S100PBP: variants seen among roughly 807,000 people sequenced by gnomAD.
S100PBP encodes S100P binding protein.
S100PBP carries 15 observed loss-of-function variants against 39.9 expected under a neutral mutation model. The observed-to-expected ratio is 0.38, with a 90% CI of 0.25 to 0.58. S100PBP has a LOEUF of 0.58. Ranked by LOEUF, S100PBP falls within the 20% of genes least tolerant of loss-of-function variation. The pLI, the probability that S100PBP is intolerant of heterozygous loss-of-function variation, is 0.70. For missense variants in S100PBP, 504 were observed against 487.3 expected, an observed-to-expected ratio of 1.03 and a Z score of -0.32; for synonymous variants, 178 against 180.3, an observed-to-expected ratio of 0.99 and a Z score of 0.10.
At chr1:32,836,519 G>A in intron 5 of S100PBP, 1 of 976,068 alleles carries the variant, frequency 1.0e-6, no homozygotes, top group Non-Finnish European at 1.2e-6. Context: ...TCCCAACTAA[G>A]TATTGTTCAC....
chr1:32,827,901 T>C, intron 3 of S100PBP, 92 bp from the exon 4 acceptor site: 1 of 850,574 alleles, frequency 1.2e-6, no homozygotes, highest in South Asian at 1.5e-5. Context: ...TTGTAGCCTT[T>C]AGTTAAAAAA....
At position 32,826,719 on chromosome 1, in the gene S100PBP, G is replaced by A; in HGVS notation, c.620G>A (p.Trp207Ter). 2 of 1,614,068 alleles carry A rather than the reference G, an allele frequency of 1.2e-6. No homozygotes were observed. The highest frequency in any genetic ancestry group is 1.7e-6 in the Non-Finnish European group (2 of 1,179,992). ...GGGATCAGCCCCAATAACTCTGCCTGGAATGGGCCCCAGCTCTCTTCTTCA... is the reference window on the plus strand; with the variant it reads ...GGGATCAGCCCCAATAACTCTGCCTAGAATGGGCCCCAGCTCTCTTCTTCA... ...SEGISPNNSA[W>*]NGPQLSSSNN... The change falls in exon 3 of 7, where the codon TGG becomes TAG. Residue 207 changes from tryptophan to a stop codon, truncating the protein, a stop_gained. Transcript: ENST00000373475. LOFTEE classifies it high-confidence loss of function.
chr1:32,833,374 T>C (rs1639684168), intron 5 of S100PBP, among the ~76,000 whole-genome samples: 2 of 151,362 alleles, frequency 1.3e-5, no homozygotes, highest in African/African-American at 4.8e-5. Flanking sequence ...TATTTTCTTT[T>C]TTTTTTTTTT....
intron 4 of S100PBP, among the ~76,000 whole-genome samples, chr1:32,829,619 T>C (rs1231608299): frequency 6.6e-6 from 1 of 152,128 alleles, no homozygotes; most frequent in East Asian, 1.9e-4. Context: ...CATGCAGCCA[T>C]GTCCAGCTAA....
At chr1:32,840,856 A>G (rs1266442501) in intron 5 of S100PBP, among the ~76,000 whole-genome samples, 1 of 151,928 alleles carries the variant, frequency 6.6e-6, no homozygotes, top group African/African-American at 2.4e-5. Flanking sequence ...TTTTTTGCTC[A>G]TTTAAAAAAT....
chr1:32,826,567 T>C lies in S100PBP; in HGVS notation c.468T>C (p.Cys156=), dbSNP rs1296721089. The stretch of plus-strand genomic sequence containing the variant: ...TTGCACCATTTAATCCAACAGTTTG[T>C]GATGCTCTGCTTGATAAGGACGAGA... ...VTVAPFNPTV[C]DALLDKDETD... The change falls in exon 3 of 7, where the codon TGT becomes TGC. Residue 156 remains cysteine, a synonymous_variant. Coordinates refer to ENST00000373475, the MANE Select transcript of S100PBP (RefSeq NM_022753.4). 2.5e-6 allele frequency: 4 copies of C among 1,613,758 alleles called. No individual in the cohort carries two copies. The highest frequency in any genetic ancestry group is 1.1e-5 in the South Asian group (1 of 91,086).
intron 1 of S100PBP, among the ~76,000 whole-genome samples, chr1:32,820,357 G>A (rs79475395): frequency 3.3e-5 from 5 of 151,966 alleles, no homozygotes; most frequent in Admixed American, 2.0e-4. Context: ...TGTTGGCCAG[G>A]CTGGTCTTGA....
chr1:32,821,975 G>C (rs1639089503), intron 1 of S100PBP, among the ~76,000 whole-genome samples: 1 of 152,038 alleles, frequency 6.6e-6, no homozygotes, highest in African/African-American at 2.4e-5. Flanking sequence ...GAAAAGATCT[G>C]AAATTTTTAG....
rs530505502 is a variant in S100PBP, at chr1:32,839,980, T to TTTTTG, written c.1024+9928_1024+9932dup. 1.8e-3 allele frequency among the ~76,000 whole-genome samples: 279 copies of TTTTTG among 151,540 alleles called. 3 individuals carry two copies. Among genetic ancestry groups the TTTTTG allele is most frequent in the African/African-American group, 6.3e-3 (261 of 41,302 alleles). On this transcript the variant is annotated intron_variant, in intron 5 of 6. Coordinates refer to ENST00000373475, the MANE Select transcript of S100PBP (RefSeq NM_022753.4). The stretch of plus-strand genomic sequence containing the variant: ...AGGCTCACCACCACACCTGACTAAT[T>TTTTTG]TTTTGTTTTGTTTTGTTTTTTTGAG...
At chr1:32,842,232 TATATACACACAC>T (rs1257612289) in intron 5 of S100PBP, among the ~76,000 whole-genome samples, 22 of 80,756 alleles carry the variant, frequency 2.7e-4, no homozygotes, top group Middle Eastern at 5.4e-3. Context: ...TATATATATA[TATATACACACAC>T]ACACACACAC....
intron 1 of S100PBP, among the ~76,000 whole-genome samples, chr1:32,819,943 C>G (rs1254762266): frequency 6.6e-6 from 1 of 152,012 alleles, no homozygotes; most frequent in East Asian, 1.9e-4. Context: ...GGTCCAGTAC[C>G]TCTATAAAGG....
chr1:32,825,214 A>G (rs141675758), intron 1 of S100PBP, 99 bp from the exon 2 acceptor site: 2 of 152,358 alleles, frequency 1.3e-5, no homozygotes, highest in African/African-American at 4.8e-5. Flanking sequence ...CAAGATTAAA[A>G]TTAATACATC....
chr1:32,852,506 C>T (rs1177219913), intron 5 of S100PBP, among the ~76,000 whole-genome samples: 1 of 152,086 alleles, frequency 6.6e-6, no homozygotes, highest in African/African-American at 2.4e-5. Flanking sequence ...TAGCAAAGAG[C>T]GCCCACCTCC....
rs754471770 is a variant in S100PBP, at chr1:32,826,385, C to G, written c.286C>G (p.Arg96Gly). 19 of 1,613,876 alleles carry G rather than the reference C, an allele frequency of 1.2e-5. No individual in the cohort carries two copies. Among genetic ancestry groups the G allele is most frequent in the Non-Finnish European group, 1.4e-5 (16 of 1,180,006 alleles). Residue 96 changes from arginine (R) to glycine (G), a missense_variant, in exon 3 of 7, where the codon CGA becomes GGA. Coordinates refer to ENST00000373475, the MANE Select transcript of S100PBP (RefSeq NM_022753.4). Reference protein sequence around the residue: ...RGSQILLDTPREKNSSYSLGP... With the variant: ...RGSQILLDTPGEKNSSYSLGP... ...GAGTCAAATTCTACTTGATACTCCC[C>G]GAGAGAAAAATTCATCGTACAGCCT...
At chr1:32,821,582 AG>A (rs1406247983) in intron 1 of S100PBP, among the ~76,000 whole-genome samples, 1 of 150,446 alleles carries the variant, frequency 6.6e-6, no homozygotes, top group Non-Finnish European at 1.5e-5. Flanking sequence ...GGCCTCCCAA[AG>A]TGCTAGGATT....
chr1:32,845,131 TCTCCTGCGTCAGC>T (rs1640307531), intron 5 of S100PBP, among the ~76,000 whole-genome samples: 1 of 152,196 alleles, frequency 6.6e-6, no homozygotes, highest in East Asian at 1.9e-4. Flanking sequence ...TTCACGCCAT[TCTCCTGCGTCAGC>T]CTCCTGAGTA....
At chr1:32,852,569 TG>T (rs976136362) in intron 5 of S100PBP, among the ~76,000 whole-genome samples, 2 of 152,216 alleles carry the variant, frequency 1.3e-5, no homozygotes, top group African/African-American at 4.8e-5. Context: ...CTTTTGTCTC[TG>T]GGGCTTTGTA....
At chr1:32,840,275 C>T (rs550674415) in intron 5 of S100PBP, among the ~76,000 whole-genome samples, 6 of 151,778 alleles carry the variant, frequency 4.0e-5, no homozygotes, top group Non-Finnish European at 8.8e-5. Context: ...CTTGAGCCAC[C>T]GCACTCGGCC....
At chr1:32,853,406 G>A (rs1296671792) in intron 6 of S100PBP, among the ~76,000 whole-genome samples, 1 of 151,604 alleles carries the variant, frequency 6.6e-6, no homozygotes, top group African/African-American at 2.4e-5. Context: ...TGGTGGCGAA[G>A]GTTGCAGTGA....
Sources: gnomAD v4.1 joint callset for allele counts (sites outside exome capture counted in the v4.1 genomes callset) on GRCh38, gnomAD v4.1.1 for gene constraint, MANE v1.5 for transcripts, NCBI Gene and HGNC (gene_info 2026-07-23, HGNC 2026-07-21) for gene names.